Variants in ACOT7 observed in about 807,000 individuals in gnomAD.
The protein encoded by ACOT7 is cytosolic acyl coenzyme A thioester hydrolase.
In ACOT7, 12 loss-of-function variants were observed where a neutral mutation model predicts 40.2. The ratio of observed to expected loss-of-function variants is 0.30; its 90% confidence interval spans 0.19 to 0.48. The LOEUF (loss-of-function observed/expected upper bound fraction) is 0.48, where lower values mean the gene tolerates loss of function less well. ACOT7 is among the 20% of genes least tolerant of loss of function. The pLI is 0.99. For missense variants in ACOT7, 395 were observed against 530.8 expected, an observed-to-expected ratio of 0.74 and a Z score of 2.51; for synonymous variants, 228 against 219.5, an observed-to-expected ratio of 1.04 and a Z score of -0.34.
intron 7 of ACOT7, among the ~76,000 whole-genome samples, chr1:6,285,610 C>T (rs1446939971): frequency 6.6e-6 from 1 of 152,242 alleles, no homozygotes; most frequent in Non-Finnish European, 1.5e-5. Context: ...CCACAGGTCC[C>T]TCCACCAAAT....
chr1:6,356,936 C>T (rs994478738), intron 1 of ACOT7, among the ~76,000 whole-genome samples: 3 of 141,656 alleles, frequency 2.1e-5, no homozygotes, highest in South Asian at 4.5e-4. Flanking sequence ...AAAAAAAGGA[C>T]GACGACGACT....
chr1:6,360,116 ATG>A (rs1282936005), intron 1 of ACOT7, among the ~76,000 whole-genome samples: 1 of 152,226 alleles, frequency 6.6e-6, no homozygotes, highest in African/African-American at 2.4e-5. Context: ...CCTCTCACCT[ATG>A]TGCAAAAAGA....
intron 1 of ACOT7, among the ~76,000 whole-genome samples, chr1:6,350,499 G>A (rs542973239): frequency 6.6e-6 from 1 of 152,370 alleles, no homozygotes; most frequent in South Asian, 2.1e-4. Context: ...CTTCCCCAAA[G>A]AGGAACAACT....
rs1191230472 is a variant in ACOT7 at position 6,393,521 on chromosome 1, C to T, written c.-122G>A. 4 of 914,930 alleles carry T rather than the reference C, an allele frequency of 4.4e-6. No individual in the cohort carries two copies. The highest frequency in any genetic ancestry group is 1.7e-5 in the African/African-American group (1 of 57,222). The allele number at this position is 914,930 out of a possible 1,614,324, so 56.7% of individuals were successfully genotyped here. A position where few individuals can be genotyped will look rare whatever the true frequency, so the allele number is the denominator to read the frequency against. Reference sequence around the variant, plus strand: ...CGCGCCGGCCCCACCCCGAGCCCCGCCTCCCAGGCCGCCAAGGCTGCAGAG... The same window carrying T: ...CGCGCCGGCCCCACCCCGAGCCCCGTCTCCCAGGCCGCCAAGGCTGCAGAG... On this transcript the variant is annotated 5_prime_UTR_variant, in exon 1 of 9. Transcript: ENST00000361521.
chr1:6,291,115 T>G (rs1639650342), intron 7 of ACOT7, among the ~76,000 whole-genome samples: 1 of 152,064 alleles, frequency 6.6e-6, no homozygotes, highest in South Asian at 2.1e-4. Context: ...TGAGTTGAGC[T>G]TTAAGGAGAC....
At chr1:6,269,173 G>A (rs1557623242) in intron 8 of ACOT7, among the ~76,000 whole-genome samples, 2 of 152,352 alleles carry the variant, frequency 1.3e-5, no homozygotes, top group South Asian at 4.1e-4. Flanking sequence ...AAGTGACACA[G>A]CGGGTAAGGG....
intron 3 of ACOT7, among the ~76,000 whole-genome samples, chr1:6,336,570 CCT>C (rs1490632879): frequency 2.6e-5 from 4 of 152,104 alleles, no homozygotes; most frequent in Admixed American, 1.3e-4. Flanking sequence ...ACAGGGGACC[CCT>C]GTCTCCTGGG....
At chr1:6,303,460 G>A (rs1640026051) in intron 6 of ACOT7, among the ~76,000 whole-genome samples, 1 of 151,826 alleles carries the variant, frequency 6.6e-6, no homozygotes, top group Non-Finnish European at 1.5e-5. Flanking sequence ...CTGTCAACTG[G>A]CTTAAAAATA....
At chr1:6,356,693 C>T (rs571086366) in intron 1 of ACOT7, among the ~76,000 whole-genome samples, 30 of 151,472 alleles carry the variant, frequency 2.0e-4, no homozygotes, top group Admixed American at 9.9e-4. Flanking sequence ...CCGAGGCGGG[C>T]GGATCATGAG....
chr1:6,271,409 A>T (rs1639030638), intron 8 of ACOT7, among the ~76,000 whole-genome samples: 1 of 152,146 alleles, frequency 6.6e-6, no homozygotes, highest in Non-Finnish European at 1.5e-5. Context: ...ATAACAGGAG[A>T]CAAGAGGGGT....
At chr1:6,285,539 C>T (rs1249862460) in intron 7 of ACOT7, among the ~76,000 whole-genome samples, 1 of 152,256 alleles carries the variant, frequency 6.6e-6, no homozygotes, top group African/African-American at 2.4e-5. Context: ...CATGTGCTGT[C>T]ATTCCTCCCA....
intron 1 of ACOT7, among the ~76,000 whole-genome samples, chr1:6,379,830 G>A (rs2148479142): frequency 6.6e-6 from 1 of 151,794 alleles, no homozygotes; most frequent in Non-Finnish European, 1.5e-5. Flanking sequence ...AGAGACTGAG[G>A]TGGGCATATC....
chr1:6,387,219 A>T (rs1207154434), intron 1 of ACOT7, among the ~76,000 whole-genome samples: 1 of 152,104 alleles, frequency 6.6e-6, no homozygotes, highest in East Asian at 1.9e-4. Flanking sequence ...TCGACATCAC[A>T]ACTGGGCCCG....
chr1:6,291,357 G>A (rs578114153), intron 7 of ACOT7, among the ~76,000 whole-genome samples: 9 of 152,044 alleles, frequency 5.9e-5, no homozygotes, highest in African/African-American at 1.9e-4. Flanking sequence ...CCAGAGTGAC[G>A]CAGCCACAAG....
At chr1:6,349,424 C>T (rs1487140537) in intron 2 of ACOT7, among the ~76,000 whole-genome samples, 1 of 152,238 alleles carries the variant, frequency 6.6e-6, no homozygotes, top group Non-Finnish European at 1.5e-5. Context: ...TCACAATAAA[C>T]TCCACCCCAC....
chr1:6,306,695 C>G lies in ACOT7; in HGVS notation c.713-11715G>C. On this transcript the variant is annotated intron_variant, in intron 6 of 8. Coordinates refer to ENST00000361521, the MANE Select transcript of ACOT7 (RefSeq NM_007274.4). This position sits in a 1 kb window ranked among gnomAD's most constrained non-coding sequence, Gnocchi z 4.3. ...ATTTGTTTGTTCACCTCTTGATCCC[C>G]CTAGACCAGAAGTTCCTCAAGAGTA... The G allele has an allele frequency of 1.0e-6, 1 of 985,390 alleles. No homozygotes were observed. The highest frequency in any genetic ancestry group is 5.2e-4 in the Middle Eastern group (1 of 1,912). The allele number at this position is 985,390 out of a possible 1,614,324, so 61.0% of individuals were successfully genotyped here. A position where few individuals can be genotyped will look rare whatever the true frequency, so the allele number is the denominator to read the frequency against.
intron 5 of ACOT7, among the ~76,000 whole-genome samples, chr1:6,324,343 A>G (rs1372528850): frequency 6.6e-6 from 1 of 152,240 alleles, no homozygotes; most frequent in Non-Finnish European, 1.5e-5. Flanking sequence ...TAAAACAAAA[A>G]AGTAAAAATA....
chr1:6,296,488 A>G (rs907482885), intron 6 of ACOT7, among the ~76,000 whole-genome samples: 9 of 150,022 alleles, frequency 6.0e-5, no homozygotes, highest in African/African-American at 2.0e-4. Flanking sequence ...CACTGGCGCG[A>G]TCTCCGCTCA....
rs1361011199 is a variant in ACOT7, at chr1:6,264,468, AC to A, written c.*128del. The A allele has an allele frequency of 1.3e-6, 1 of 774,728 alleles. No individual in the cohort carries two copies. Among genetic ancestry groups the A allele is most frequent in the African/African-American group, 1.7e-5 (1 of 57,330 alleles). The allele number at this position is 774,728 out of a possible 1,614,324, so 48.0% of individuals were successfully genotyped here. A position where few individuals can be genotyped will look rare whatever the true frequency, so the allele number is the denominator to read the frequency against. The stretch of plus-strand genomic sequence containing the variant: ...AGAGAGTACAGGTTAACACTGTGAT[AC>A]GAAAACTTCAGACAACACCAGCTCT... On this transcript the variant is annotated 3_prime_UTR_variant, in exon 9 of 9. Coordinates refer to ENST00000361521, the MANE Select transcript of ACOT7 (RefSeq NM_007274.4).
Sources: allele counts gnomAD v4.1 joint callset (sites outside exome capture counted in the v4.1 genomes callset), GRCh38; gene constraint gnomAD v4.1.1; non-coding constraint Gnocchi (gnomAD v3.1); transcripts MANE v1.5; gene names NCBI Gene and HGNC (gene_info 2026-07-23, HGNC 2026-07-21).